The following PHF14 variants were observed in gnomAD, a reference collection of about 807,000 sequenced individuals.
PHF14 encodes the protein PHD finger protein 14.
In PHF14, 55 loss-of-function variants were observed where a neutral mutation model predicts 117.9. The observed-to-expected ratio is 0.47, with a 90% CI of 0.38 to 0.58. The LOEUF (loss-of-function observed/expected upper bound fraction) is 0.58. Among genes scored for constraint, PHF14 ranks in the 20% least tolerant of loss-of-function variants. The probability of loss-of-function intolerance (pLI) is 0.00; values close to 1 mark genes in which losing one functional copy is unlikely to be tolerated. For synonymous variants in PHF14, 409 were observed against 368.6 expected, an observed-to-expected ratio of 1.11 and a Z score of -1.26; for missense variants, 978 against 1,122.2, an observed-to-expected ratio of 0.87 and a Z score of 1.84.
intron 17 of PHF14, among the ~76,000 whole-genome samples, chr7:11,159,416 C>CT (rs1788959870): frequency 6.6e-6 from 1 of 151,752 alleles, no homozygotes; most frequent in African/African-American, 2.4e-5. Flanking sequence ...TTTTCTCCTA[C>CT]TTTTTATTGT....
intron 17 of PHF14, among the ~76,000 whole-genome samples, chr7:11,147,521 T>A (rs1474799674): frequency 6.6e-6 from 1 of 152,192 alleles, no homozygotes; most frequent in African/African-American, 2.4e-5. Flanking sequence ...ACAATCTCTT[T>A]CTTATCAGAC....
At chr7:11,019,940 G>A (rs1031058119) in intron 5 of PHF14, among the ~76,000 whole-genome samples, 3 of 152,092 alleles carry the variant, frequency 2.0e-5, no homozygotes, top group Non-Finnish European at 4.4e-5. Context: ...ATTACTATTC[G>A]TCATACTCTT....
At chr7:11,116,435 G>A (rs960063359) in intron 17 of PHF14, among the ~76,000 whole-genome samples, 2 of 151,996 alleles carry the variant, frequency 1.3e-5, no homozygotes, top group African/African-American at 2.4e-5. Flanking sequence ...TTCATACACA[G>A]CCACACTTAC....
intron 12 of PHF14, 73 bp downstream of exon 12, chr7:11,040,848 T>A: frequency 8.8e-6 from 6 of 683,254 alleles, no homozygotes; most frequent in Non-Finnish European, 1.1e-5. Context: ...AGAAAGAAGA[T>A]CCTGCAAATA....
intron 4 of PHF14, among the ~76,000 whole-genome samples, chr7:10,999,676 C>A (rs966085684): frequency 6.6e-6 from 1 of 152,174 alleles, no homozygotes; most frequent in Non-Finnish European, 1.5e-5. Context: ...GTTCATAATA[C>A]GACCCCTGCT....
At chr7:11,104,840 T>TG in intron 16 of PHF14, 1 of 869,940 alleles carries the variant, frequency 1.1e-6, no homozygotes, top group Non-Finnish European at 1.4e-6. Context: ...GCTACTGGCC[T>TG]GGAACACCAC....
chr7:10,984,992 C>G (rs1166707956), intron 3 of PHF14, among the ~76,000 whole-genome samples: 3 of 152,122 alleles, frequency 2.0e-5, no homozygotes, highest in Non-Finnish European at 4.4e-5. Context: ...CAGAATAATT[C>G]TCCTTAAAAG....
intron 13 of PHF14, among the ~76,000 whole-genome samples, chr7:11,045,235 C>G (rs763080183): frequency 1.5e-4 from 23 of 152,126 alleles, no homozygotes; most frequent in Non-Finnish European, 2.8e-4. Flanking sequence ...TAGACTCTAC[C>G]TTGTTCTTAC....
intron 4 of PHF14, among the ~76,000 whole-genome samples, chr7:10,997,514 T>G (rs886155388): frequency 3.3e-5 from 5 of 152,246 alleles, no homozygotes; most frequent in African/African-American, 7.2e-5. Flanking sequence ...ACATTTATTA[T>G]TTCACATGAT....
chr7:11,088,642 C>T (rs1204850592), intron 16 of PHF14, among the ~76,000 whole-genome samples: 1 of 151,740 alleles, frequency 6.6e-6, no homozygotes, highest in African/African-American at 2.4e-5. Context: ...TAATAACCCT[C>T]CTGGGAATTT....
chr7:10,994,533 G>T (rs1384666664), intron 4 of PHF14, among the ~76,000 whole-genome samples: 6 of 152,226 alleles, frequency 3.9e-5, no homozygotes, highest in Non-Finnish European at 8.8e-5. Context: ...AAGCTGGTTA[G>T]TGGTGGGAGT....
intron 16 of PHF14, chr7:11,104,076 T>G (rs1387763078): frequency 1.0e-6 from 1 of 984,798 alleles, no homozygotes; most frequent in Non-Finnish European, 1.2e-6. Flanking sequence ...TGGCCCTCTT[T>G]TAATATTTAG....
chr7:11,150,500 A>C (rs907791270), intron 17 of PHF14, among the ~76,000 whole-genome samples: 2 of 152,182 alleles, frequency 1.3e-5, no homozygotes, highest in African/African-American at 4.8e-5. Flanking sequence ...TACTGAATGA[A>C]TAAAAGAAGA....
chr7:11,076,572 T>C (rs113720351), intron 16 of PHF14, among the ~76,000 whole-genome samples: 1,796 of 147,680 alleles, frequency 0.012, 26 homozygotes, highest in African/African-American at 0.042. Flanking sequence ...TTTTTCTTTT[T>C]TTTTTTTTTT....
intron 16 of PHF14, chr7:11,104,833 A>G (rs1562468518): frequency 3.7e-6 from 3 of 803,690 alleles, no homozygotes; most frequent in African/African-American, 1.9e-5. Flanking sequence ...TGCTGATGCT[A>G]CTGGCCTGGA....
intron 16 of PHF14, among the ~76,000 whole-genome samples, chr7:11,093,027 A>T (rs1786703007): frequency 6.6e-6 from 1 of 152,190 alleles, no homozygotes; most frequent in Non-Finnish European, 1.5e-5. Context: ...ATAGTCAGAA[A>T]GTGTGATACA....
chr7:11,040,890 T>C (rs1439878013), intron 12 of PHF14, 115 bp downstream of exon 12: 2 of 498,440 alleles, frequency 4.0e-6, no homozygotes, highest in Non-Finnish European at 6.9e-6. Context: ...TACCAGAATT[T>C]AAGTGCATTT....
chr7:11,108,331 A>T (rs751004489), intron 16 of PHF14: 1 of 151,672 alleles, frequency 6.6e-6, no homozygotes, highest in Non-Finnish European at 1.5e-5. Context: ...ATTGACTTCA[A>T]GATTGGATTC....
At chr7:11,160,555 A>G (rs1465518105) in intron 17 of PHF14, among the ~76,000 whole-genome samples, 2 of 152,136 alleles carry the variant, frequency 1.3e-5, no homozygotes, top group African/African-American at 2.4e-5. Context: ...CCTTCCCAGC[A>G]TCGTTGTTTT....
Sources: gnomAD v4.1 joint callset for allele counts (sites outside exome capture counted in the v4.1 genomes callset) on GRCh38, gnomAD v4.1.1 for gene constraint, MANE v1.5 for transcripts, NCBI Gene and HGNC (gene_info 2026-07-23, HGNC 2026-07-21) for gene names.